The following PTPRD variants were observed in gnomAD, a reference collection of about 807,000 sequenced individuals.
PTPRD encodes the protein protein tyrosine phosphatase receptor type D.
Under a neutral mutation model 214.5 loss-of-function variants are expected in PTPRD, and 34 were observed. That is an observed-to-expected ratio of 0.16 (90% CI 0.12 to 0.21). The LOEUF is 0.21. Among genes scored for constraint, PTPRD ranks in the 10% least tolerant of loss-of-function variants. The pLI is 1.00. For synonymous variants in PTPRD, 1,128 were observed against 845.7 expected, an observed-to-expected ratio of 1.33 and a Z score of -5.79; for missense variants, 2,545 against 2,398.7, an observed-to-expected ratio of 1.06 and a Z score of -1.27.
chr9:9,752,746 T>C (rs1208206648), intron 6 of PTPRD, among the ~76,000 whole-genome samples: 1 of 152,038 alleles, frequency 6.6e-6, no homozygotes, highest in Non-Finnish European at 1.5e-5. Context: ...CTGTATACAA[T>C]TTTAGAAAAA....
chr9:10,386,539 A>C (rs774806178), intron 2 of PTPRD, among the ~76,000 whole-genome samples: 9 of 151,880 alleles, frequency 5.9e-5, no homozygotes, highest in Non-Finnish European at 1.0e-4. Flanking sequence ...CTTCACGCTA[A>C]TGGAGGGAAA....
At chr9:9,745,484 A>T (rs1183480808) in intron 6 of PTPRD, among the ~76,000 whole-genome samples, 1 of 152,106 alleles carries the variant, frequency 6.6e-6, no homozygotes. Flanking sequence ...TCACCCTATT[A>T]AATTTCCCTC....
At chr9:9,448,059 C>G (rs1031634515) in intron 8 of PTPRD, among the ~76,000 whole-genome samples, 6 of 151,976 alleles carry the variant, frequency 3.9e-5, no homozygotes, top group Non-Finnish European at 7.4e-5. Context: ...GGGGTTCATT[C>G]TGCTGCTGTG....
intron 14 of PTPRD, among the ~76,000 whole-genome samples, chr9:8,580,779 TACAC>T (rs1404647406): frequency 6.6e-6 from 1 of 151,938 alleles, no homozygotes. Flanking sequence ...CACGCACACA[TACAC>T]ACACACACGC....
At chr9:10,605,150 A>T (rs2078968776) in intron 2 of PTPRD, among the ~76,000 whole-genome samples, 1 of 151,888 alleles carries the variant, frequency 6.6e-6, no homozygotes, top group South Asian at 2.1e-4. Flanking sequence ...TCCAAAGTAC[A>T]CATTATAAGT....
Position 8,839,300 on chromosome 9 carries a change from T to TTTTATTTA in PTPRD, c.-103-105362_-103-105355dup, listed in dbSNP as rs3046017. Among the ~76,000 whole-genome samples the TTTTATTTA allele has an allele frequency of 8.2e-4, 123 of 150,424 alleles. 1 individual carries two copies. The highest frequency in any genetic ancestry group is 1.7e-3 in the African/African-American group (71 of 41,046). ...ATAATTTTCAGATTGACCAAGGGGA[T>TTTTATTTA]TTTATTTATTTATTTATTTATTTAT... On this transcript the variant is annotated intron_variant, in intron 11 of 45. Transcript: ENST00000381196.
rs1461217979 is a variant in PTPRD at position 10,278,766 on chromosome 9, T to TG, written c.-545+62196_-545+62197insC. 3.3e-3 allele frequency among the ~76,000 whole-genome samples: 501 copies of TG among 151,076 alleles called. 3 individuals carry two copies. Among genetic ancestry groups the TG allele is most frequent in the African/African-American group, 0.012 (482 of 41,290 alleles). Reference sequence around the variant, plus strand: ...ATCTTCATGTGTGGTAAAAGGTTTTTTTTTTGTTTTGTTTTGTTTTGTTTT... The same window carrying TG: ...ATCTTCATGTGTGGTAAAAGGTTTTTGTTTTTGTTTTGTTTTGTTTTGTTTT... On this transcript the variant is annotated intron_variant, in intron 3 of 45. Transcript: ENST00000381196.
chr9:9,980,608 CAAAA>C (rs750547585), intron 4 of PTPRD, among the ~76,000 whole-genome samples: 1 of 11,428 alleles, frequency 8.8e-5, no homozygotes, highest in Admixed American at 7.8e-4. Flanking sequence ...GACACCTTGT[CAAAA>C]AAAAACAAAA....
intron 11 of PTPRD, among the ~76,000 whole-genome samples, chr9:8,821,350 C>G (rs894517702): frequency 6.6e-6 from 1 of 152,142 alleles, no homozygotes; most frequent in South Asian, 2.1e-4. Flanking sequence ...CACTCCTGGA[C>G]TCCTGTTACC....
At chr9:10,195,957 G>C (rs1333683194) in intron 3 of PTPRD, among the ~76,000 whole-genome samples, 1 of 152,136 alleles carries the variant, frequency 6.6e-6, no homozygotes, top group South Asian at 2.1e-4. Context: ...AGGCAAATCA[G>C]TGATAAAAAT....
intron 2 of PTPRD, among the ~76,000 whole-genome samples, chr9:10,417,999 A>G (rs1246191112): frequency 6.6e-6 from 1 of 151,802 alleles, no homozygotes; most frequent in South Asian, 2.1e-4. Context: ...AGTTAATGAC[A>G]TCTCCTAAAG....
chr9:9,613,131 CAT>C (rs1383091159), intron 7 of PTPRD, among the ~76,000 whole-genome samples: 3 of 40,932 alleles, frequency 7.3e-5, no homozygotes, highest in Admixed American at 3.4e-4. Flanking sequence ...AGTATACATA[CAT>C]ACATATATAT....
chr9:8,406,179 A>G (rs2092957687), intron 35 of PTPRD, among the ~76,000 whole-genome samples: 1 of 152,186 alleles, frequency 6.6e-6, no homozygotes, highest in Non-Finnish European at 1.5e-5. Flanking sequence ...TTGCTCTTCC[A>G]GGGAAATTTT....
At chr9:9,321,703 G>C (rs1247847559) in intron 9 of PTPRD, among the ~76,000 whole-genome samples, 1 of 152,048 alleles carries the variant, frequency 6.6e-6, no homozygotes, top group Non-Finnish European at 1.5e-5. Context: ...CCAGTATTTA[G>C]TAGCGATGTA....
chr9:10,482,054 T>C (rs945782250), intron 2 of PTPRD, among the ~76,000 whole-genome samples: 3 of 151,812 alleles, frequency 2.0e-5, no homozygotes, highest in Non-Finnish European at 4.4e-5. Context: ...TGAATAAAAA[T>C]AAAATGAAGA....
intron 10 of PTPRD, among the ~76,000 whole-genome samples, chr9:9,123,755 GACA>G (rs1454519256): frequency 1.3e-5 from 2 of 152,084 alleles, no homozygotes; most frequent in Admixed American, 6.6e-5. Flanking sequence ...ATGAAAGGAA[GACA>G]ACATTTGTTG....
chr9:10,542,805 G>T (rs1278854990), intron 2 of PTPRD, among the ~76,000 whole-genome samples: 1 of 151,972 alleles, frequency 6.6e-6, no homozygotes, highest in Non-Finnish European at 1.5e-5. Context: ...CACAACCTCC[G>T]CCTCCTGGGT....
At chr9:9,111,736 T>C (rs2099806338) in intron 10 of PTPRD, among the ~76,000 whole-genome samples, 1 of 152,188 alleles carries the variant, frequency 6.6e-6, no homozygotes, top group Non-Finnish European at 1.5e-5. Flanking sequence ...ATTTTTTTCC[T>C]AGTGAAAATT....
At chr9:8,494,964 C>G (rs1226222955) in intron 26 of PTPRD, among the ~76,000 whole-genome samples, 1 of 152,128 alleles carries the variant, frequency 6.6e-6, no homozygotes, top group African/African-American at 2.4e-5. Flanking sequence ...CACTTTGCTT[C>G]TTGTCCCTGA....
Sources: allele counts gnomAD v4.1 joint callset (sites outside exome capture counted in the v4.1 genomes callset), GRCh38; gene constraint gnomAD v4.1.1; transcripts MANE v1.5; gene names NCBI Gene and HGNC (gene_info 2026-07-23, HGNC 2026-07-21).